FMN1: variants seen among roughly 807,000 people sequenced by gnomAD.
FMN1 encodes the protein formin-1.
A neutral mutation model predicts 132.4 loss-of-function variants in FMN1; 110 were observed. The ratio of observed to expected loss-of-function variants is 0.83; its 90% CI spans 0.71 to 0.97. The LOEUF (loss-of-function observed/expected upper bound fraction) is 0.97, where lower values mean the gene tolerates loss of function less well. FMN1 is among the 50% of genes least tolerant of loss of function. The pLI is 0.00. For synonymous variants in FMN1, 722 were observed against 651.7 expected (o/e 1.11, Z -1.64); for missense variants, 1,792 against 1,705.3 (o/e 1.05, Z -0.90).
chr15:33,012,947 G>T, intron 6 of FMN1: 1 of 485,126 alleles, frequency 2.1e-6, no homozygotes, highest in Non-Finnish European at 4.0e-6. Context: ...TCCATGAAGG[G>T]AAAAAACTTT....
At chr15:33,072,093 A>C (rs1204194709) in intron 5 of FMN1, among the ~76,000 whole-genome samples, 2 of 152,134 alleles carry the variant, frequency 1.3e-5, no homozygotes, top group Admixed American at 6.5e-5. Flanking sequence ...CAAACAAAAA[A>C]ACAACCTTAT....
chr15:33,003,794 C>G (rs1301022419), intron 7 of FMN1, among the ~76,000 whole-genome samples: 1 of 152,092 alleles, frequency 6.6e-6, no homozygotes, highest in African/African-American at 2.4e-5. Context: ...CTTCAAACTA[C>G]ACTACAAGGC....
At chr15:33,116,045 A>C (rs1297575313) in intron 4 of FMN1, among the ~76,000 whole-genome samples, 1 of 152,200 alleles carries the variant, frequency 6.6e-6, no homozygotes, top group Non-Finnish European at 1.5e-5. Context: ...CTCACCTTAA[A>C]GGTATATCCA....
chr15:32,895,738 A>G (rs1253548328), intron 15 of FMN1, among the ~76,000 whole-genome samples: 2 of 129,592 alleles, frequency 1.5e-5, no homozygotes, highest in African/African-American at 3.3e-5. Flanking sequence ...AATAAGGAAG[A>G]AAGTTTTTTT....
intron 4 of FMN1, among the ~76,000 whole-genome samples, chr15:33,111,191 T>G (rs375705273): frequency 6.6e-6 from 1 of 152,160 alleles, no homozygotes; most frequent in South Asian, 2.1e-4. Context: ...AAAATGTACA[T>G]TGTAAAATGC....
At chr15:32,826,750 A>G (rs1486341728) in intron 17 of FMN1, among the ~76,000 whole-genome samples, 1 of 152,176 alleles carries the variant, frequency 6.6e-6, no homozygotes, top group African/African-American at 2.4e-5. Flanking sequence ...ACACTACATG[A>G]TCTCACACTA....
intron 12 of FMN1, among the ~76,000 whole-genome samples, chr15:32,904,069 G>T (rs12911648): frequency 0.43 from 64,808 of 152,040 alleles, 14,493 homozygotes; most frequent in African/African-American, 0.56. Flanking sequence ...GGGACCATGC[G>T]AAGATCTGAG....
chr15:32,935,680 T>C (rs1477150448), intron 9 of FMN1, among the ~76,000 whole-genome samples: 1 of 151,654 alleles, frequency 6.6e-6, no homozygotes, highest in Non-Finnish European at 1.5e-5. Flanking sequence ...CAGGCTGGAG[T>C]GCAATGGCGT....
chr15:33,071,103 G>A (rs778555897), intron 5 of FMN1, among the ~76,000 whole-genome samples: 24 of 152,178 alleles, frequency 1.6e-4, no homozygotes, highest in Non-Finnish European at 2.9e-4. Flanking sequence ...TAACTGGGAT[G>A]TGAAGTATAC....
chr15:32,900,179 T>C (rs772371923), intron 13 of FMN1, 54 bp from the exon 14 acceptor site: 2 of 1,588,748 alleles, frequency 1.3e-6, no homozygotes, highest in African/African-American at 2.7e-5. Flanking sequence ...GCACCCATGT[T>C]CATTCAGTAA....
chr15:32,987,695 C>T (rs1299050547), intron 7 of FMN1, among the ~76,000 whole-genome samples: 1 of 151,426 alleles, frequency 6.6e-6, no homozygotes, highest in African/African-American at 2.5e-5. Context: ...CTACTTTCTT[C>T]TGAATCACTT....
intron 17 of FMN1, among the ~76,000 whole-genome samples, chr15:32,830,804 G>A (rs1382487313): frequency 1.3e-5 from 2 of 152,162 alleles, no homozygotes; most frequent in Non-Finnish European, 1.5e-5. Context: ...ATGAAGAAAG[G>A]TGGAAATCAA....
At chr15:32,989,820 A>G (rs751696764) in intron 7 of FMN1, among the ~76,000 whole-genome samples, 4 of 152,184 alleles carry the variant, frequency 2.6e-5, no homozygotes, top group Non-Finnish European at 5.9e-5. Context: ...GTAATCAACT[A>G]GATGTGAAGC....
At chr15:33,125,100 A>AATT (rs1399402423) in intron 4 of FMN1, among the ~76,000 whole-genome samples, 4 of 152,068 alleles carry the variant, frequency 2.6e-5, no homozygotes, top group Non-Finnish European at 5.9e-5. Context: ...GTGAAATAAC[A>AATT]TAATGCCTTA....
chr15:33,124,173 G>C (rs1018706133), intron 4 of FMN1, among the ~76,000 whole-genome samples: 1 of 152,128 alleles, frequency 6.6e-6, no homozygotes, highest in Non-Finnish European at 1.5e-5. Flanking sequence ...TAACCATGCA[G>C]AGTGCAAAGG....
At chr15:33,028,826 C>G (rs1179028175) in intron 6 of FMN1, among the ~76,000 whole-genome samples, 1 of 152,182 alleles carries the variant, frequency 6.6e-6, no homozygotes, top group Non-Finnish European at 1.5e-5. Context: ...TTGATTAACT[C>G]TAATACAGAA....
chr15:32,888,367 G>GA, intron 15 of FMN1, 75 bp from the exon 16 acceptor site: 1 of 1,335,902 alleles, frequency 7.5e-7, no homozygotes, highest in Non-Finnish European at 1.0e-6. Context: ...AAGCATCAAT[G>GA]AGAAAAAAAA....
chr15:32,938,999 G>C (rs1186467483), intron 9 of FMN1, among the ~76,000 whole-genome samples: 2 of 152,172 alleles, frequency 1.3e-5, no homozygotes, highest in South Asian at 2.1e-4. Flanking sequence ...CATTTTCAAA[G>C]GGAAGAGGGA....
chr15:33,105,080 A>C (rs1408893461), intron 4 of FMN1, among the ~76,000 whole-genome samples: 1 of 152,026 alleles, frequency 6.6e-6, no homozygotes, highest in Non-Finnish European at 1.5e-5. Flanking sequence ...GTCTGACACA[A>C]TCTCTCTCAC....
Sources: allele counts gnomAD v4.1 joint callset (sites outside exome capture counted in the v4.1 genomes callset), GRCh38; gene constraint gnomAD v4.1.1; transcripts MANE v1.5; gene names NCBI Gene and HGNC (gene_info 2026-07-23, HGNC 2026-07-21).